Variants in AFF2 observed in about 807,000 individuals in gnomAD.
AFF2 encodes the protein ALF transcription elongation factor 2, also known as AF4/FMR2 family member 2.
AFF2 carries 14 observed loss-of-function variants against 76.9 expected under a neutral mutation model. The ratio of observed to expected loss-of-function variants is 0.18; its 90% CI spans 0.12 to 0.28. AFF2 has a LOEUF of 0.28. Ranked by LOEUF, AFF2 falls within the 10% of genes least tolerant of loss-of-function variation. The pLI, the probability that AFF2 is intolerant of heterozygous loss-of-function variation, is 1.00. For missense variants in AFF2, 868 were observed against 1,001.1 expected (o/e 0.87, Z 1.79); for synonymous variants, 398 against 366.7 (o/e 1.09, Z -0.98).
chrX:148,666,065 C>T (rs1215655198), intron 3 of AFF2, among the ~76,000 whole-genome samples: 8 of 111,697 alleles, frequency 7.2e-5, no homozygotes, highest in African/African-American at 2.6e-4. Flanking sequence ...ATTGAGAGAT[C>T]ACAAACTATT....
At chrX:148,504,220 C>T in intron 1 of AFF2, among the ~76,000 whole-genome samples, 1 of 110,441 alleles carries the variant, frequency 9.1e-6, no homozygotes, top group Non-Finnish European at 1.9e-5. Flanking sequence ...CACCTCCCAC[C>T]CAGTATTGAT....
At chrX:148,722,390 T>G in intron 3 of AFF2, among the ~76,000 whole-genome samples, 1 of 110,984 alleles carries the variant, frequency 9.0e-6, no homozygotes, top group Non-Finnish European at 1.9e-5. Flanking sequence ...GCTCTTTTTT[T>G]GTCTTATTCC....
intron 1 of AFF2, among the ~76,000 whole-genome samples, chrX:148,581,598 GTATACGTGTACACACATA>G (rs2053409209): frequency 1.9e-5 from 2 of 103,345 alleles, no homozygotes; most frequent in African/African-American, 7.4e-5. Flanking sequence ...ACATATATAC[GTATACGTGTACACACATA>G]TATACGTATA....
rs782610700 is a variant in AFF2, at chrX:148,934,910, A to C, written c.1398-18670A>C. ...AAAGGCGGAGAGAAGGCTGCAAATA[A>C]TTTTATGAAAGCATATGTTTAAAGA... On this transcript the variant is annotated intron_variant, in intron 9 of 20. Coordinates refer to ENST00000370460, the MANE Select transcript of AFF2 (RefSeq NM_002025.4). 3.6e-5 allele frequency among the ~76,000 whole-genome samples: 4 copies of C among 111,908 alleles called. No individual in the cohort carries two copies. In the South Asian group the frequency reaches 1.5e-3, roughly 42 times the overall value.
At chrX:148,727,451 T>C (rs1416910730) in intron 3 of AFF2, among the ~76,000 whole-genome samples, 9 of 111,356 alleles carry the variant, frequency 8.1e-5, no homozygotes, top group Non-Finnish European at 1.7e-4. Context: ...CTCTCTTAAA[T>C]GGGAAATTGG....
chrX:148,991,553 A>C lies in AFF2; in HGVS notation c.*221A>C, dbSNP rs2072534260. 3.5e-6 allele frequency: 1 copy of C among 289,443 alleles called. No individual in the cohort carries two copies. 23.9% of individuals were successfully genotyped at this position (289,443 alleles called of 1,213,427 possible). On this transcript the variant is annotated 3_prime_UTR_variant, in exon 21 of 21. Transcript: ENST00000370460. The stretch of plus-strand genomic sequence containing the variant: ...ACTTAGTCATTTTTTTTCTTTTAGC[A>C]TTTGATATGCATTTCTCAGATTCCA...
intron 9 of AFF2, among the ~76,000 whole-genome samples, chrX:148,918,930 C>T (rs1172200548): frequency 8.9e-6 from 1 of 111,884 alleles, no homozygotes; most frequent in African/African-American, 3.3e-5. Flanking sequence ...AGGAGAGAAA[C>T]GAACCCCCTG....
intron 15 of AFF2, among the ~76,000 whole-genome samples, chrX:148,968,368 T>G (rs2124389975): frequency 8.9e-6 from 1 of 111,760 alleles, no homozygotes; most frequent in East Asian, 2.8e-4. Flanking sequence ...AGAATAACTC[T>G]GATGCCTAGC....
chrX:148,870,394 G>A (rs1425547526), intron 7 of AFF2, among the ~76,000 whole-genome samples: 2 of 112,350 alleles, frequency 1.8e-5, no homozygotes, highest in Admixed American at 9.4e-5. Context: ...ATGTTTGTAG[G>A]AAGCAGCTCT....
At position 148,736,005 on chromosome X, in the gene AFF2, T is replaced by C. The variant is rs1257947383; in HGVS notation, c.1041+73237T>C. On this transcript the variant is annotated intron_variant, in intron 3 of 20. Transcript: ENST00000370460. The stretch of plus-strand genomic sequence containing the variant: ...GTATATCTATACCACAGTTTCTTTA[T>C]CTACTCATTGATTGATGGGCATTTG... 6.2e-5 allele frequency among the ~76,000 whole-genome samples: 7 copies of C among 112,451 alleles called. 1 individual carries two copies. The highest frequency in any genetic ancestry group is 2.3e-4 in the African/African-American group (7 of 30,954).
At chrX:148,639,395 G>A (rs1450479124) in intron 1 of AFF2, among the ~76,000 whole-genome samples, 3 of 111,809 alleles carry the variant, frequency 2.7e-5, no homozygotes, top group Non-Finnish European at 3.8e-5. Flanking sequence ...CCCCAGCTCC[G>A]CCTGTCACTT....
At chrX:148,656,521 A>G (rs1229669572) in intron 2 of AFF2, among the ~76,000 whole-genome samples, 834 of 72,340 alleles carry the variant, frequency 0.012, 19 homozygotes, top group African/African-American at 0.048. Context: ...TTTTTTTGAG[A>G]CGGAGTCTCG....
intron 1 of AFF2, among the ~76,000 whole-genome samples, chrX:148,601,365 G>A (rs975644032): frequency 3.6e-5 from 4 of 111,948 alleles, no homozygotes; most frequent in African/African-American, 9.7e-5. Context: ...TCTCACAGTC[G>A]GAGGTGAGTT....
chrX:148,539,671 T>TA (rs1569550966), intron 1 of AFF2, among the ~76,000 whole-genome samples: 11 of 110,960 alleles, frequency 9.9e-5, no homozygotes, highest in Middle Eastern at 4.6e-3. Context: ...TCTTTTTTTT[T>TA]TAAAAAAATA....
intron 3 of AFF2, among the ~76,000 whole-genome samples, chrX:148,720,218 G>T (rs968413732): frequency 1.8e-5 from 2 of 110,532 alleles, no homozygotes; most frequent in African/African-American, 3.3e-5. Flanking sequence ...TAATTTTGGT[G>T]GGGGGAAGTT....
intron 7 of AFF2, among the ~76,000 whole-genome samples, chrX:148,885,458 C>G (rs1427540810): frequency 1.8e-5 from 2 of 111,257 alleles, no homozygotes; most frequent in East Asian, 5.7e-4. Flanking sequence ...CCAGAGAGAC[C>G]CAGCAGGCTT....
At chrX:148,904,147 T>G in intron 8 of AFF2, 74 bp from the exon 9 acceptor site, 1 of 655,025 alleles carries the variant, frequency 1.5e-6, no homozygotes, top group Non-Finnish European at 2.5e-6. Flanking sequence ...TTATATTGCT[T>G]ATTGTTTTGG....
At chrX:148,894,228 T>C (rs781877534) in intron 8 of AFF2, among the ~76,000 whole-genome samples, 2 of 111,678 alleles carry the variant, frequency 1.8e-5, no homozygotes, top group Non-Finnish European at 3.8e-5. Flanking sequence ...TATTCTGTCT[T>C]GAACAATTTA....
intron 9 of AFF2, among the ~76,000 whole-genome samples, chrX:148,915,710 A>G (rs1245566780): frequency 1.8e-5 from 2 of 112,307 alleles, no homozygotes; most frequent in Admixed American, 1.9e-4. Flanking sequence ...GTAACTTCCA[A>G]CACTGGCTAG....
Sources: gnomAD v4.1 joint callset for allele counts (sites outside exome capture counted in the v4.1 genomes callset) on GRCh38, gnomAD v4.1.1 for gene constraint, MANE v1.5 for transcripts, NCBI Gene and HGNC (gene_info 2026-07-23, HGNC 2026-07-21) for gene names.